Variants in NEGR1 observed in about 807,000 individuals in gnomAD.
NEGR1 encodes the protein IgLON family member 4.
In NEGR1, 10 loss-of-function variants were observed where a neutral mutation model predicts 40.9. The ratio of observed to expected loss-of-function variants is 0.24; its 90% CI spans 0.15 to 0.42. The LOEUF (loss-of-function observed/expected upper bound fraction) is 0.42. Ranked by LOEUF, NEGR1 falls within the 10% of genes least tolerant of loss-of-function variation. The pLI is 1.00. For missense variants in NEGR1, 352 were observed against 438.9 expected, an observed-to-expected ratio of 0.80 and a Z score of 1.77; for synonymous variants, 185 against 166.8, an observed-to-expected ratio of 1.11 and a Z score of -0.84.
chr1:71,704,148 C>T (rs1057038495), intron 3 of NEGR1, among the ~76,000 whole-genome samples: 1 of 139,468 alleles, frequency 7.2e-6, no homozygotes, highest in Admixed American at 7.5e-5. Context: ...TAGAATCTCT[C>T]TCTCTCTCTC....
At chr1:72,225,454 A>G (rs1314378858) in intron 1 of NEGR1, among the ~76,000 whole-genome samples, 1 of 151,746 alleles carries the variant, frequency 6.6e-6, no homozygotes, top group Non-Finnish European at 1.5e-5. Context: ...CATATTTTAC[A>G]TAAAAATTAT....
chr1:71,799,197 A>C (rs1350889631), intron 2 of NEGR1, among the ~76,000 whole-genome samples: 1 of 150,336 alleles, frequency 6.7e-6, no homozygotes, highest in African/African-American at 2.5e-5. Flanking sequence ...CTCCCCTAGC[A>C]CTCCACCCCC....
chr1:71,616,729 G>C (rs58151153), intron 4 of NEGR1, among the ~76,000 whole-genome samples: 2 of 151,998 alleles, frequency 1.3e-5, no homozygotes, highest in African/African-American at 2.4e-5. Context: ...CCTACACTGC[G>C]CACTTGTCTC....
intron 6 of NEGR1, among the ~76,000 whole-genome samples, chr1:71,450,376 G>T (rs1466570210): frequency 2.1e-5 from 3 of 143,450 alleles, no homozygotes; most frequent in African/African-American, 7.3e-5. Flanking sequence ...GTATTACAAA[G>T]TAATTGTAAC....
chr1:71,930,152 A>T (rs908130493), intron 2 of NEGR1, among the ~76,000 whole-genome samples: 1 of 151,622 alleles, frequency 6.6e-6, no homozygotes, highest in Non-Finnish European at 1.5e-5. Flanking sequence ...ATTTATTTTT[A>T]AATTTTTTTT....
intron 1 of NEGR1, among the ~76,000 whole-genome samples, chr1:72,243,743 A>T (rs577713344): frequency 2.2e-4 from 34 of 151,982 alleles, no homozygotes; most frequent in Non-Finnish European, 4.6e-4. Flanking sequence ...AACTATAATT[A>T]TTAACTCTCA....
intron 4 of NEGR1, among the ~76,000 whole-genome samples, chr1:71,611,395 G>C (rs1650245639): frequency 6.6e-6 from 1 of 152,106 alleles, no homozygotes; most frequent in Admixed American, 6.5e-5. Context: ...TTTTGGCCTT[G>C]CTTCCTACTG....
intron 1 of NEGR1, among the ~76,000 whole-genome samples, chr1:72,145,026 C>A (rs1295802597): frequency 1.3e-5 from 2 of 152,008 alleles, no homozygotes; most frequent in Non-Finnish European, 2.9e-5. Flanking sequence ...GTCAGTCATG[C>A]AGTTGTCAGA....
At chr1:71,797,408 T>C (rs1657379179) in intron 2 of NEGR1, among the ~76,000 whole-genome samples, 1 of 152,146 alleles carries the variant, frequency 6.6e-6, no homozygotes, top group Admixed American at 6.6e-5. Context: ...AAATATCCAA[T>C]ATGAAATCTA....
chr1:71,460,699 A>G (rs1646708486), intron 6 of NEGR1, among the ~76,000 whole-genome samples: 1 of 152,142 alleles, frequency 6.6e-6, no homozygotes, highest in Admixed American at 6.6e-5. Context: ...GTAGGTTTAG[A>G]TGGTGTGATA....
At chr1:71,483,239 A>T (rs1646865890) in intron 6 of NEGR1, among the ~76,000 whole-genome samples, 1 of 151,792 alleles carries the variant, frequency 6.6e-6, no homozygotes. Flanking sequence ...ACAGAAAAAA[A>T]AAATAGAAAA....
intron 6 of NEGR1, among the ~76,000 whole-genome samples, chr1:71,578,415 T>C (rs1446448785): frequency 6.6e-6 from 1 of 152,148 alleles, no homozygotes; most frequent in Non-Finnish European, 1.5e-5. Context: ...GTAGCTGAAT[T>C]GGTAAACTAT....
chr1:71,903,243 T>C lies in NEGR1; in HGVS notation c.409+31836A>G, dbSNP rs12042615. On this transcript the variant is annotated intron_variant, in intron 2 of 6. Coordinates refer to ENST00000357731, the MANE Select transcript of NEGR1 (RefSeq NM_173808.3). ...CTTTTGATGTCATTGTGATGGTATGTAAACATTTATTTTATGTCTGTTCAT... is the reference window on the plus strand; with the variant it reads ...CTTTTGATGTCATTGTGATGGTATGCAAACATTTATTTTATGTCTGTTCAT... 5.9e-4 allele frequency among the ~76,000 whole-genome samples: 90 copies of C among 152,138 alleles called. 2 individuals are homozygous for C. The East Asian group carries it at 0.015, about 26-fold the overall frequency.
At chr1:71,411,930 G>A (rs1185833220) in intron 6 of NEGR1, among the ~76,000 whole-genome samples, 1 of 152,084 alleles carries the variant, frequency 6.6e-6, no homozygotes, top group East Asian at 1.9e-4. Context: ...GAACCCAGGA[G>A]GTGGAGGTTG....
chr1:71,552,536 A>G (rs1402652829), intron 6 of NEGR1, among the ~76,000 whole-genome samples: 3 of 147,950 alleles, frequency 2.0e-5, no homozygotes, highest in Non-Finnish European at 4.5e-5. Flanking sequence ...GAATATATAT[A>G]GGATATAGTC....
intron 1 of NEGR1, among the ~76,000 whole-genome samples, chr1:72,221,257 T>C (rs1019535936): frequency 6.6e-6 from 1 of 152,116 alleles, no homozygotes; most frequent in Non-Finnish European, 1.5e-5. Context: ...GATATTACTG[T>C]ACACTTTAAT....
intron 2 of NEGR1, among the ~76,000 whole-genome samples, chr1:71,780,040 C>CAAAAAA (rs57576840): frequency 1.9e-4 from 19 of 99,740 alleles, no homozygotes; most frequent in African/African-American, 4.2e-4. Context: ...ATAGGAAAAC[C>CAAAAAA]AAAAAAAAAA....
intron 1 of NEGR1, among the ~76,000 whole-genome samples, chr1:72,070,758 T>G (rs1341522570): frequency 4.6e-5 from 7 of 152,052 alleles, no homozygotes; most frequent in Admixed American, 2.0e-4. Context: ...TGGTTGTGTT[T>G]CTTTGATACT....
At chr1:71,445,401 T>C (rs981648440) in intron 6 of NEGR1, among the ~76,000 whole-genome samples, 2 of 151,152 alleles carry the variant, frequency 1.3e-5, no homozygotes, top group Admixed American at 6.6e-5. Context: ...GAATTTTCTA[T>C]GGAGCCCTAG....
Sources: allele counts gnomAD v4.1 joint callset (sites outside exome capture counted in the v4.1 genomes callset), GRCh38; gene constraint gnomAD v4.1.1; transcripts MANE v1.5; gene names NCBI Gene and HGNC (gene_info 2026-07-23, HGNC 2026-07-21).